Variants in TOR3A observed in about 807,000 individuals in gnomAD.
TOR3A encodes the protein torsin family 3 member A.
A neutral mutation model predicts 42.1 loss-of-function variants in TOR3A; 44 were observed. The ratio of observed to expected loss-of-function variants is 1.04; its 90% CI spans 0.82 to 1.34. TOR3A has a LOEUF of 1.34. Among genes scored for constraint, TOR3A ranks in the 40% most tolerant of loss-of-function variants. TOR3A has a pLI of 0.00. For synonymous variants in TOR3A, 227 were observed against 213.2 expected (o/e 1.06, Z -0.57); for missense variants, 521 against 507.6 (o/e 1.03, Z -0.25).
In TOR3A at chr1:179,095,696, C is replaced by A. The variant is rs999963822; in HGVS notation, c.*478C>A. 1.0e-6 allele frequency: 1 copy of A among 995,454 alleles called. No homozygotes were observed. The highest frequency in any genetic ancestry group is 4.5e-5 in the South Asian group (1 of 22,140). 61.7% of individuals were successfully genotyped at this position (995,454 alleles called of 1,614,324 possible). A position where few individuals can be genotyped will look rare whatever the true frequency, so the allele number is the denominator to read the frequency against. ...CCTTGGGTTACAGAGCCGGGGAGAA[C>A]GAAGTTCTGTGACCCAGGGGTGGAG... On this transcript the variant is annotated 3_prime_UTR_variant, in exon 6 of 6. Coordinates refer to ENST00000367627, the MANE Select transcript of TOR3A (RefSeq NM_022371.4).
chr1:179,087,364 C>T (rs945183923), intron 3 of TOR3A, among the ~76,000 whole-genome samples: 3 of 152,166 alleles, frequency 2.0e-5, no homozygotes, highest in African/African-American at 7.2e-5. Flanking sequence ...GCGCTCTGCA[C>T]CCGGGAGTTC....
At chr1:179,092,446 T>A (rs993678541) in intron 4 of TOR3A, among the ~76,000 whole-genome samples, 3 of 152,132 alleles carry the variant, frequency 2.0e-5, no homozygotes, top group Admixed American at 6.6e-5. Flanking sequence ...CAAGGGAGGC[T>A]AGGCCTAGTG....
In TOR3A at chr1:179,082,376, C is replaced by T; in HGVS notation, c.248C>T (p.Thr83Met). The change falls in exon 1 of 6, where the codon ACG (threonine) becomes ATG (methionine). Residue 83 changes from threonine (T) to methionine (M), a missense_variant. By Grantham distance (81) the Thr-to-Met change is moderately conservative. Coordinates refer to ENST00000367627, the MANE Select transcript of TOR3A (RefSeq NM_022371.4). The stretch of plus-strand genomic sequence containing the variant: ...TGTGACGAGGACGAGGAGGCAGCCA[C>T]GGGGCCCCTGGGTAAGACCCCGTCC... Reference protein sequence around the residue: ...DDCDEDEEAATGPLGWRLPLL... With the variant: ...DDCDEDEEAAMGPLGWRLPLL... The T allele has an allele frequency of 1.2e-6, 2 of 1,605,398 alleles. No individual in the cohort carries two copies. The highest frequency in any genetic ancestry group is 1.7e-6 in the Non-Finnish European group (2 of 1,177,218).
intron 4 of TOR3A, among the ~76,000 whole-genome samples, chr1:179,088,719 T>C (rs539766508): frequency 4.6e-5 from 7 of 152,346 alleles, no homozygotes; most frequent in African/African-American, 1.7e-4. Context: ...AGTCACTGAA[T>C]CACTGCACTG....
Position 179,095,272 on chromosome 1 carries a change from G to A in TOR3A, c.*54G>A, listed in dbSNP as rs2102547988. The A allele has an allele frequency of 2.5e-6, 4 of 1,604,832 alleles. No individual in the cohort carries two copies. The highest frequency in any genetic ancestry group is 2.2e-5 in the East Asian group (1 of 44,830). On this transcript the variant is annotated 3_prime_UTR_variant, in exon 6 of 6. Transcript: ENST00000367627. ...CTTTCTTCCACTAACAGGACCCTGG[G>A]ACCTGTAGGAGCACCCCGTTTGGGA... is the stretch of plus-strand genomic sequence containing the variant.
chr1:179,090,128 G>A (rs1000883439), intron 4 of TOR3A, among the ~76,000 whole-genome samples: 5 of 151,906 alleles, frequency 3.3e-5, no homozygotes, highest in Admixed American at 6.6e-5. Context: ...GGGGGCCTGC[G>A]GGAAAGCCGC....
intron 4 of TOR3A, among the ~76,000 whole-genome samples, chr1:179,088,970 C>A (rs963917946): frequency 6.6e-6 from 1 of 152,142 alleles, no homozygotes; most frequent in Non-Finnish European, 1.5e-5. Flanking sequence ...CACTTGCTTG[C>A]TGGGGGGGTT....
In TOR3A at chr1:179,082,072, G is replaced by T; in HGVS notation, c.-57G>T. 31 of 1,414,112 alleles carry T rather than the reference G, an allele frequency of 2.2e-5. No homozygotes were observed. The highest frequency in any genetic ancestry group is 6.3e-5 in the Admixed American group (2 of 31,910). 87.6% of individuals were successfully genotyped at this position (1,414,112 alleles called of 1,614,324 possible). A position where few individuals can be genotyped will look rare whatever the true frequency, so the allele number is the denominator to read the frequency against. ...TGCGGTCCCCGCCTGACCGCCCCGG[G>T]CTTAAGGGAGCCTGGCTAGGCCGGC... On this transcript the variant is annotated 5_prime_UTR_variant, in exon 1 of 6. Coordinates refer to ENST00000367627, the MANE Select transcript of TOR3A (RefSeq NM_022371.4).
At chr1:179,088,210 T>G in intron 4 of TOR3A, 121 bp downstream of exon 4, 19 of 1,126,906 alleles carry the variant, frequency 1.7e-5, no homozygotes, top group Non-Finnish European at 1.8e-5. Flanking sequence ...GCACAAACTC[T>G]GGTACAGAAA....
At position 179,093,957 on chromosome 1, in the gene TOR3A, C is replaced by T. The variant is rs193007516; in HGVS notation, c.819-136C>T. 3 of 1,152,104 alleles carry T rather than the reference C, an allele frequency of 2.6e-6. No homozygotes were observed. The East Asian group carries it at 7.8e-5, about 30-fold the overall frequency. 71.4% of individuals were successfully genotyped at this position (1,152,104 alleles called of 1,614,324 possible). A position where few individuals can be genotyped will look rare whatever the true frequency, so the allele number is the denominator to read the frequency against. Reference sequence around the variant, plus strand: ...TTGGGTTGTGAGGTTGTGACAAGGTCTCCTGGAAGAGAGAGAAGGTCCACG... The same window carrying T: ...TTGGGTTGTGAGGTTGTGACAAGGTTTCCTGGAAGAGAGAGAAGGTCCACG... On this transcript the variant is annotated intron_variant, in intron 4 of 5. Coordinates refer to ENST00000367627, the MANE Select transcript of TOR3A (RefSeq NM_022371.4).
intron 4 of TOR3A, among the ~76,000 whole-genome samples, chr1:179,090,121 G>A (rs1022815256): frequency 2.9e-5 from 4 of 138,474 alleles, no homozygotes; most frequent in African/African-American, 1.0e-4. Flanking sequence ...TGGGGGGGGG[G>A]GCCTGCGGGA....
chr1:179,082,138 G>T lies in TOR3A; in HGVS notation c.10G>T (p.Gly4Cys), dbSNP rs1190416562. 3 of 1,501,458 alleles carry T rather than the reference G, an allele frequency of 2.0e-6. No individual in the cohort carries two copies. Among genetic ancestry groups the T allele is most frequent in the Non-Finnish European group, 2.6e-6 (3 of 1,136,092 alleles). 93.0% of individuals were successfully genotyped at this position (1,501,458 alleles called of 1,614,324 possible). A position where few individuals can be genotyped will look rare whatever the true frequency, so the allele number is the denominator to read the frequency against. Residue 4 changes from glycine to cysteine, a missense_variant, in exon 1 of 6, where the codon GGT becomes TGT. By Grantham distance (159) the Gly-to-Cys change is radical (BLOSUM62 -3). Transcript: ENST00000367627. Reference sequence around the variant, plus strand: ...CAGCTCGGGGCCGGCCATGCTTCGCGGTCCGTGGCGCCAGCTTTGGCTCTT... The same window carrying T: ...CAGCTCGGGGCCGGCCATGCTTCGCTGTCCGTGGCGCCAGCTTTGGCTCTT... MLR[G>C]PWRQLWLFFL...
At chr1:179,087,876 A>G (rs1652474353) in intron 3 of TOR3A, 35 bp from the exon 4 acceptor site, 1 of 1,509,798 alleles carries the variant, frequency 6.6e-7, no homozygotes, top group Non-Finnish European at 8.9e-7. Context: ...GGAAGGAGTC[A>G]CCACTTCCCC....
intron 3 of TOR3A, 123 bp downstream of exon 3, chr1:179,086,016 T>C: frequency 8.0e-7 from 1 of 1,242,782 alleles, no homozygotes; most frequent in Non-Finnish European, 1.1e-6. Flanking sequence ...TGGCAGAACC[T>C]GTGACAGAGC....
chr1:179,092,396 T>C (rs754489876), intron 4 of TOR3A, among the ~76,000 whole-genome samples: 17 of 152,158 alleles, frequency 1.1e-4, no homozygotes, highest in Non-Finnish European at 2.1e-4. Flanking sequence ...GCCTTCCCTG[T>C]CCTTTACCCT....
Position 179,088,046 on chromosome 1 carries a change from G to T in TOR3A, c.775G>T (p.Gly259Cys). 1 of 1,611,684 alleles carries T rather than the reference G, an allele frequency of 6.2e-7. No individual in the cohort carries two copies. Among genetic ancestry groups the T allele is most frequent in the Non-Finnish European group, 8.5e-7 (1 of 1,179,054 alleles). The change falls in exon 4 of 6, where the codon GGC (glycine) becomes TGC (cysteine). Residue 259 changes from glycine to cysteine, a missense_variant. Coordinates refer to ENST00000367627, the MANE Select transcript of TOR3A (RefSeq NM_022371.4). Reference protein sequence around the residue: ...GPHLERRAPEGHRAESPWTIF... With the variant: ...GPHLERRAPECHRAESPWTIF... ...ACACTTAGAACGCCGGGCCCCTGAGGGCCACAGGGCTGAGTCTCCATGGAC... is the reference window on the plus strand; with the variant it reads ...ACACTTAGAACGCCGGGCCCCTGAGTGCCACAGGGCTGAGTCTCCATGGAC...
At chr1:179,090,317 T>C (rs551760171) in intron 4 of TOR3A, among the ~76,000 whole-genome samples, 1 of 152,342 alleles carries the variant, frequency 6.6e-6, no homozygotes, top group African/African-American at 2.4e-5. Flanking sequence ...GCTGACATAG[T>C]CTGTGCCCAG....
At chr1:179,094,360 G>T in intron 5 of TOR3A, 143 bp downstream of exon 5, 1 of 1,110,658 alleles carries the variant, frequency 9.0e-7, no homozygotes, top group Non-Finnish European at 1.2e-6. Context: ...TGTCAACCCT[G>T]GGTGGGCACA....
intron 4 of TOR3A, among the ~76,000 whole-genome samples, chr1:179,091,978 A>T (rs1652599622): frequency 6.6e-6 from 1 of 152,240 alleles, no homozygotes; most frequent in Non-Finnish European, 1.5e-5. Flanking sequence ...TGGCTGAGCA[A>T]CTGACCTTGA....
Sources: gnomAD v4.1 joint callset for allele counts (sites outside exome capture counted in the v4.1 genomes callset) on GRCh38, gnomAD v4.1.1 for gene constraint, MANE v1.5 for transcripts, NCBI Gene and HGNC (gene_info 2026-07-23, HGNC 2026-07-21) for gene names.